Variants in CACNA1S observed in about 807,000 individuals in gnomAD.
The protein encoded by CACNA1S is calcium voltage-gated channel subunit alpha1 S.
A neutral mutation model predicts 207.4 loss-of-function variants in CACNA1S; 126 were observed. That is an observed-to-expected ratio of 0.61 (90% confidence interval 0.53 to 0.70). The LOEUF (loss-of-function observed/expected upper bound fraction) is 0.70, where lower values mean the gene tolerates loss of function less well. CACNA1S is among the 30% of genes least tolerant of loss of function. The pLI is 0.00. For missense variants in CACNA1S, 2,349 were observed against 2,422.8 expected (o/e 0.97, Z 0.64); for synonymous variants, 960 against 932.7 (o/e 1.03, Z -0.53).
intron 6 of CACNA1S, among the ~76,000 whole-genome samples, chr1:201,088,640 T>C (rs568240646): frequency 1.3e-5 from 2 of 152,308 alleles, no homozygotes; most frequent in South Asian, 4.1e-4. Flanking sequence ...TACTTTAATC[T>C]CTCTGAGCCT....
intron 38 of CACNA1S, among the ~76,000 whole-genome samples, chr1:201,045,293 G>A (rs563854703): frequency 5.5e-4 from 84 of 152,264 alleles, no homozygotes; most frequent in Non-Finnish European, 8.7e-4. Flanking sequence ...TCGTGTCAAG[G>A]AAAGACTGAT....
At chr1:201,077,202 G>A (rs542212210) in intron 11 of CACNA1S, 75 bp from the exon 12 acceptor site, 3 of 1,283,314 alleles carry the variant, frequency 2.3e-6, no homozygotes, top group Admixed American at 1.8e-5. Flanking sequence ...GACAGGCTTG[G>A]GGGAAAGACT....
At chr1:201,067,128 C>T in intron 19 of CACNA1S, 135 bp from the exon 20 acceptor site, 1 of 716,110 alleles carries the variant, frequency 1.4e-6, no homozygotes, top group Non-Finnish European at 2.6e-6. Context: ...CTATATTTCA[C>T]TCAACTCCTT....
chr1:201,077,201 G>A (rs1405663326), intron 11 of CACNA1S, 74 bp from the exon 12 acceptor site: 4 of 1,303,190 alleles, frequency 3.1e-6, no homozygotes, highest in Admixed American at 1.8e-5. Context: ...GGACAGGCTT[G>A]GGGGAAAGAC....
intron 33 of CACNA1S, 132 bp from the exon 34 acceptor site, chr1:201,050,648 C>T (rs917908969): frequency 4.3e-6 from 4 of 927,370 alleles, no homozygotes; most frequent in East Asian, 2.6e-5. Flanking sequence ...CCTTCTGAAC[C>T]ACCCACATCA....
intron 37 of CACNA1S, 53 bp from the exon 38 acceptor site, chr1:201,047,292 G>A: frequency 3.1e-6 from 5 of 1,612,272 alleles, no homozygotes; most frequent in Non-Finnish European, 4.2e-6. Flanking sequence ...ATCTGACACT[G>A]GATTCAGAGT....
intron 3 of CACNA1S, among the ~76,000 whole-genome samples, chr1:201,093,462 C>T (rs1303506348): frequency 6.6e-6 from 1 of 152,198 alleles, no homozygotes; most frequent in Non-Finnish European, 1.5e-5. Flanking sequence ...CCCTAGCAAA[C>T]TAATACAGGT....
chr1:201,065,035 A>T (rs1661191712), intron 22 of CACNA1S, among the ~76,000 whole-genome samples: 1 of 152,112 alleles, frequency 6.6e-6, no homozygotes, highest in Non-Finnish European at 1.5e-5. Flanking sequence ...AAGGGAGAAG[A>T]ATGGCTGTGG....
Position 201,053,574 on chromosome 1 carries a change from C to G in CACNA1S, c.3680G>C (p.Ser1227Thr). Residue 1227 changes from serine to threonine, a missense_variant, in exon 30 of 44, where the codon AGT becomes ACT. Physicochemically the swap from Ser to Thr is moderately conservative, Grantham distance 58. Transcript: ENST00000362061. The surrounding 1 kb of genome is among the most constrained non-coding windows in gnomAD (Gnocchi z 5.1). Reference sequence around the variant, plus strand: ...GAAGAAGGCGCTGGAGATGCGGGCACTCTCATCTGGGTCCTGCGGGGCAGC... The same window carrying G: ...GAAGAAGGCGCTGGAGATGCGGGCAGTCTCATCTGGGTCCTGCGGGGCAGC... Reference protein sequence around the residue: ...GGCGNVDPDESARISSAFFRL... With the variant: ...GGCGNVDPDETARISSAFFRL... The G allele has an allele frequency of 6.2e-7, 1 of 1,613,984 alleles. No homozygotes were observed.
At chr1:201,102,595 C>T (rs925397931) in intron 2 of CACNA1S, among the ~76,000 whole-genome samples, 6 of 152,264 alleles carry the variant, frequency 3.9e-5, no homozygotes, top group East Asian at 3.9e-4. Flanking sequence ...CCAGTCTGTG[C>T]GGAGCAGTCC....
intron 2 of CACNA1S, among the ~76,000 whole-genome samples, chr1:201,100,076 G>A (rs951910793): frequency 2.6e-5 from 4 of 152,330 alleles, no homozygotes; most frequent in East Asian, 3.9e-4. Context: ...TCCCCAGGCA[G>A]GCGGGATAAC....
At chr1:201,096,855 T>C (rs527816926) in intron 2 of CACNA1S, among the ~76,000 whole-genome samples, 14 of 152,324 alleles carry the variant, frequency 9.2e-5, no homozygotes, top group African/African-American at 3.1e-4. Context: ...GTTCTATTGG[T>C]TTCCATTATG....
chr1:201,062,413 C>A (rs1572036264), intron 23 of CACNA1S, 49 bp downstream of exon 23: 1 of 1,568,418 alleles, frequency 6.4e-7, no homozygotes, highest in Non-Finnish European at 8.8e-7. Flanking sequence ...ACTGTCCCAC[C>A]ATGCTCCCTG....
At chr1:201,092,145 C>T (rs1460483230) in intron 3 of CACNA1S, 31 bp from the exon 4 acceptor site, 1 of 1,613,934 alleles carries the variant, frequency 6.2e-7, no homozygotes, top group South Asian at 1.1e-5. Flanking sequence ...AGAGGGGGTC[C>T]AGGGGTTGGA....
At chr1:201,077,325 C>T (rs1239276094) in intron 11 of CACNA1S, among the ~76,000 whole-genome samples, 198 bp from the exon 12 acceptor site, 1 of 152,242 alleles carries the variant, frequency 6.6e-6, no homozygotes, top group Non-Finnish European at 1.5e-5. Context: ...TTTGTAATTT[C>T]ACGCTGGTTA....
chr1:201,052,708 C>T lies in CACNA1S; in HGVS notation c.3862-60G>A, dbSNP rs1486591862. The T allele has an allele frequency of 3.0e-6, 4 of 1,350,348 alleles. No individual in the cohort carries two copies. The East Asian group carries it at 6.9e-5, about 23-fold the overall frequency. 83.6% of individuals were successfully genotyped at this position (1,350,348 alleles called of 1,614,324 possible). A position where few individuals can be genotyped will look rare whatever the true frequency, so the allele number is the denominator to read the frequency against. On this transcript the variant is annotated intron_variant, in intron 31 of 43. Transcript: ENST00000362061. ...AGATTAAAGTGTCCCCTCAGCTTAT[C>T]CCCCACTGCCTTCTCCTGCCTGACC...
At chr1:201,080,859 G>T (rs1661817658) in intron 10 of CACNA1S, among the ~76,000 whole-genome samples, 1 of 152,038 alleles carries the variant, frequency 6.6e-6, no homozygotes, top group South Asian at 2.1e-4. Context: ...GTTTATGTTT[G>T]CTTCTGTTGA....
chr1:201,055,113 C>CT (rs1051653146), intron 28 of CACNA1S, among the ~76,000 whole-genome samples: 2 of 152,178 alleles, frequency 1.3e-5, no homozygotes, highest in Admixed American at 1.3e-4. Context: ...TATTCGGGCT[C>CT]TTGAAGAGCA....
intron 5 of CACNA1S, among the ~76,000 whole-genome samples, chr1:201,090,170 T>C (rs535831581): frequency 1.3e-5 from 2 of 152,272 alleles, no homozygotes; most frequent in Admixed American, 1.3e-4. Context: ...GCTCTGAAGA[T>C]GGAAAGGAGA....
Sources: gnomAD v4.1 joint callset for allele counts (sites outside exome capture counted in the v4.1 genomes callset) on GRCh38, gnomAD v4.1.1 for gene constraint, Gnocchi (gnomAD v3.1) non-coding constraint, MANE v1.5 for transcripts, NCBI Gene and HGNC (gene_info 2026-07-23, HGNC 2026-07-21) for gene names.